The following TANGO6 variants were observed in gnomAD, a reference collection of about 807,000 sequenced individuals.
TANGO6 encodes transport and golgi organization 6 homolog, also known as transport and Golgi organization protein 6 homolog.
Under a neutral mutation model 114.2 loss-of-function variants are expected in TANGO6, and 90 were observed. The ratio of observed to expected loss-of-function variants is 0.79; its 90% confidence interval spans 0.66 to 0.94. TANGO6 has a LOEUF of 0.94. Ranked by LOEUF, TANGO6 falls within the 40% of genes least tolerant of loss-of-function variation. The probability of loss-of-function intolerance (pLI) is 0.00; values close to 1 mark genes in which losing one functional copy is unlikely to be tolerated. For missense variants in TANGO6, 1,274 were observed against 1,315.3 expected (o/e 0.97, Z 0.49); for synonymous variants, 477 against 509.8 (o/e 0.94, Z 0.87).
intron 4 of TANGO6, among the ~76,000 whole-genome samples, chr16:68,871,504 C>G (rs1046319943): frequency 1.3e-5 from 2 of 152,154 alleles, no homozygotes; most frequent in African/African-American, 2.4e-5. Context: ...TCAGATCTCT[C>G]TTTCTGAGAT....
At chr16:68,963,364 A>AC (rs980070774) in intron 14 of TANGO6, among the ~76,000 whole-genome samples, 18 of 152,026 alleles carry the variant, frequency 1.2e-4, no homozygotes, top group Admixed American at 9.8e-4. Flanking sequence ...TGATCCGCCC[A>AC]CCTCGGCCTC....
intron 16 of TANGO6, chr16:69,034,897 C>A (rs1031055032): frequency 1.2e-5 from 1 of 82,410 alleles, no homozygotes; most frequent in African/African-American, 4.7e-5. Context: ...TTTCCTTGTT[C>A]TTGTCAAAGG....
intron 15 of TANGO6, among the ~76,000 whole-genome samples, chr16:68,987,157 T>C (rs1963902517): frequency 2.7e-5 from 2 of 72,990 alleles, no homozygotes; most frequent in African/African-American, 1.0e-4. Context: ...CATTTTTTTC[T>C]ATTTTTTTTC....
At chr16:69,057,847 C>T (rs1460898148) in intron 17 of TANGO6, among the ~76,000 whole-genome samples, 1 of 152,212 alleles carries the variant, frequency 6.6e-6, no homozygotes, top group East Asian at 1.9e-4. Context: ...AGGAAACAAC[C>T]TTGGCTTCTT....
chr16:69,069,038 CATTA>C (rs1356848748), intron 17 of TANGO6, among the ~76,000 whole-genome samples: 1 of 152,134 alleles, frequency 6.6e-6, no homozygotes, highest in Non-Finnish European at 1.5e-5. Context: ...TCTTTAGATA[CATTA>C]ATTCTTATTG....
intron 14 of TANGO6, among the ~76,000 whole-genome samples, chr16:68,953,689 G>A (rs577053590): frequency 6.6e-6 from 1 of 152,080 alleles, no homozygotes; most frequent in African/African-American, 2.4e-5. Flanking sequence ...TTAATAGCTT[G>A]TAAAGTAGAC....
At chr16:68,911,287 T>C (rs911824005) in intron 11 of TANGO6, among the ~76,000 whole-genome samples, 10 of 152,032 alleles carry the variant, frequency 6.6e-5, no homozygotes, top group Non-Finnish European at 1.3e-4. Context: ...GTTGGAAATA[T>C]TAGTATGAAC....
At chr16:68,868,225 G>A (rs1010526868) in intron 4 of TANGO6, among the ~76,000 whole-genome samples, 2 of 151,538 alleles carry the variant, frequency 1.3e-5, no homozygotes, top group Non-Finnish European at 2.9e-5. Context: ...TTGGGATGAA[G>A]TTTTAGAGTC....
At chr16:68,977,693 A>C (rs1318740757) in intron 15 of TANGO6, among the ~76,000 whole-genome samples, 11 of 150,280 alleles carry the variant, frequency 7.3e-5, no homozygotes, top group Non-Finnish European at 1.3e-4. Flanking sequence ...ACAGAGCCAG[A>C]TTCCGTCTCA....
chr16:68,876,839 AAC>A (rs2152168449), intron 5 of TANGO6, among the ~76,000 whole-genome samples: 1 of 152,192 alleles, frequency 6.6e-6, no homozygotes, highest in East Asian at 1.9e-4. Flanking sequence ...AACAACAAAA[AAC>A]ACAGTGTACC....
intron 17 of TANGO6, among the ~76,000 whole-genome samples, chr16:69,082,690 AG>A (rs1960483617): frequency 6.6e-6 from 1 of 151,948 alleles, no homozygotes; most frequent in Admixed American, 6.6e-5. Context: ...GGTTACAGTG[AG>A]CCGAGATTGT....
At chr16:69,021,199 A>C (rs1027856832) in intron 15 of TANGO6, among the ~76,000 whole-genome samples, 1 of 151,752 alleles carries the variant, frequency 6.6e-6, no homozygotes, top group Non-Finnish European at 1.5e-5. Context: ...GATCTACCCC[A>C]CCTTCCCATC....
At chr16:68,916,455 C>T (rs1963006680) in intron 11 of TANGO6, among the ~76,000 whole-genome samples, 1 of 146,978 alleles carries the variant, frequency 6.8e-6, no homozygotes, top group Admixed American at 6.8e-5. Flanking sequence ...CCGCCCCTCT[C>T]CCCCTCCCGC....
intron 1 of TANGO6, among the ~76,000 whole-genome samples, chr16:68,847,914 C>T (rs965993024): frequency 1.3e-5 from 2 of 150,570 alleles, no homozygotes; most frequent in Non-Finnish European, 2.9e-5. Context: ...GCAGGAGAAT[C>T]GCTTGAACCC....
intron 7 of TANGO6, among the ~76,000 whole-genome samples, chr16:68,888,973 G>C (rs1343004658): frequency 2.6e-5 from 4 of 152,122 alleles, no homozygotes; most frequent in African/African-American, 9.7e-5. Flanking sequence ...ACAGGCATGT[G>C]CCACCATGCC....
intron 17 of TANGO6, among the ~76,000 whole-genome samples, chr16:69,069,301 A>G (rs1376609427): frequency 6.6e-6 from 1 of 152,160 alleles, no homozygotes; most frequent in Non-Finnish European, 1.5e-5. Context: ...CAATGTGGGA[A>G]ATTTTGCTGA....
chr16:68,934,828 C>T (rs1404000899), intron 14 of TANGO6, among the ~76,000 whole-genome samples: 1 of 152,026 alleles, frequency 6.6e-6, no homozygotes, highest in Non-Finnish European at 1.5e-5. Context: ...TTGGAATAAG[C>T]GTCTTAGTTG....
chr16:68,954,522 A>G (rs1259804115), intron 14 of TANGO6, among the ~76,000 whole-genome samples: 1 of 152,218 alleles, frequency 6.6e-6, no homozygotes, highest in Non-Finnish European at 1.5e-5. Flanking sequence ...AAAGAAAAAA[A>G]AAGTTTTGAG....
At chr16:68,905,239 AT>A (rs1323394283) in intron 9 of TANGO6, among the ~76,000 whole-genome samples, 1 of 150,544 alleles carries the variant, frequency 6.6e-6, no homozygotes, top group African/African-American at 2.4e-5. Flanking sequence ...TCAAAAAAAA[AT>A]AAAATAAAAT....
Sources: gnomAD v4.1 joint callset for allele counts (sites outside exome capture counted in the v4.1 genomes callset) on GRCh38, gnomAD v4.1.1 for gene constraint, MANE v1.5 for transcripts, NCBI Gene and HGNC (gene_info 2026-07-23, HGNC 2026-07-21) for gene names.